Variants in ACTR3C observed in about 807,000 individuals in gnomAD.
The protein encoded by ACTR3C is actin-related protein 3C.
In ACTR3C, 18 loss-of-function variants were observed where a neutral mutation model predicts 26.3. The observed-to-expected ratio is 0.68, with a 90% CI of 0.47 to 1.01. The LOEUF (loss-of-function observed/expected upper bound fraction) is 1.01. Ranked by LOEUF, ACTR3C falls within the 50% of genes least tolerant of loss-of-function variation. ACTR3C has a pLI of 0.00. For synonymous variants in ACTR3C, 55 were observed against 94.5 expected (o/e 0.58, Z 2.42); for missense variants, 184 against 250.7 (o/e 0.73, Z 1.80).
At chr7:150,180,188 C>T in the ACTR3C span, among the ~76,000 whole-genome samples, 10 of 149,846 alleles carry the variant, frequency 6.7e-5, no homozygotes, top group Non-Finnish European at 1.2e-4. Context: ...ACCTGTAGTC[C>T]CAGCTACTCG....
the ACTR3C span, among the ~76,000 whole-genome samples, chr7:149,978,830 G>A: frequency 6.6e-6 from 1 of 152,050 alleles, no homozygotes; most frequent in African/African-American, 2.4e-5. Flanking sequence ...TCTTTGGCAA[G>A]TTCAATCTCA....
chr7:150,228,212 C>T, the ACTR3C span, among the ~76,000 whole-genome samples: 1 of 152,118 alleles, frequency 6.6e-6, no homozygotes, highest in South Asian at 2.1e-4. Flanking sequence ...GCACATAGTT[C>T]CTGTTCACAT....
At chr7:150,085,181 T>C in the ACTR3C span, among the ~76,000 whole-genome samples, 1 of 152,078 alleles carries the variant, frequency 6.6e-6, no homozygotes, top group Admixed American at 6.5e-5. Context: ...AGTGGTCAGA[T>C]GGGCACTTTG....
At chr7:150,027,785 T>G in the ACTR3C span, among the ~76,000 whole-genome samples, 1 of 152,030 alleles carries the variant, frequency 6.6e-6, no homozygotes, top group South Asian at 2.1e-4. Context: ...AGGTTTAAAT[T>G]TTTGAAAAAA....
At chr7:149,944,562 C>T in the ACTR3C span, among the ~76,000 whole-genome samples, 102 of 150,446 alleles carry the variant, frequency 6.8e-4, no homozygotes, top group Non-Finnish European at 1.3e-3. Flanking sequence ...CTGATGGTAA[C>T]ATGCAATGTG....
At chr7:150,152,638 A>G in the ACTR3C span, among the ~76,000 whole-genome samples, 5 of 152,136 alleles carry the variant, frequency 3.3e-5, no homozygotes, top group African/African-American at 1.2e-4. Flanking sequence ...TGGTATCAGG[A>G]TGATGCTGGC....
At chr7:150,161,202 T>TTATA in the ACTR3C span, among the ~76,000 whole-genome samples, 356 of 102,976 alleles carry the variant, frequency 3.5e-3, 31 homozygotes, top group African/African-American at 0.012. Flanking sequence ...AGGAAAGTAT[T>TTATA]TATATATATA....
At chr7:150,309,481 C>T (rs978423742) in intron 1 of ACTR3C, among the ~76,000 whole-genome samples, 1 of 152,218 alleles carries the variant, frequency 6.6e-6, no homozygotes, top group Non-Finnish European at 1.5e-5. Flanking sequence ...AAGAGGCAGC[C>T]AAGCGGCAAC....
chr7:150,222,826 T>G, the ACTR3C span, among the ~76,000 whole-genome samples: 3 of 152,392 alleles, frequency 2.0e-5, no homozygotes, highest in African/African-American at 7.2e-5. Context: ...GACTTTGACG[T>G]AATCAGTTAT....
the ACTR3C span, among the ~76,000 whole-genome samples, chr7:150,085,042 G>T: frequency 2.0e-5 from 3 of 152,172 alleles, no homozygotes; most frequent in Non-Finnish European, 4.4e-5. Context: ...AGGGCTTGTG[G>T]CTTGACCACC....
At chr7:150,183,919 TGTAA>T in the ACTR3C span, among the ~76,000 whole-genome samples, 4 of 150,246 alleles carry the variant, frequency 2.7e-5, no homozygotes, top group East Asian at 5.8e-4. Context: ...ATCTGATGTT[TGTAA>T]GTGTCTGATA....
At chr7:150,229,115 G>C in the ACTR3C span, among the ~76,000 whole-genome samples, 1 of 151,902 alleles carries the variant, frequency 6.6e-6, no homozygotes, top group African/African-American at 2.4e-5. Context: ...ATAGACAGTC[G>C]TGTTATCTGC....
the ACTR3C span, among the ~76,000 whole-genome samples, chr7:150,149,343 GT>G: frequency 4.6e-5 from 7 of 151,308 alleles, no homozygotes; most frequent in East Asian, 2.0e-4. Flanking sequence ...ATGCACTAGT[GT>G]TTTTTTTATT....
At chr7:150,003,643 T>C in the ACTR3C span, among the ~76,000 whole-genome samples, 9 of 152,128 alleles carry the variant, frequency 5.9e-5, no homozygotes, top group Non-Finnish European at 1.2e-4. Flanking sequence ...GTGTAATGCG[T>C]GTGGGGTTTG....
At position 150,284,948 on chromosome 7, in the gene ACTR3C, A is replaced by C. The variant is rs942316134; in HGVS notation, c.472-103T>G. 15 of 1,079,552 alleles carry C rather than the reference A, an allele frequency of 1.4e-5. No homozygotes were observed. In the Admixed American group the frequency reaches 3.7e-4, roughly 27 times the overall value. The allele number at this position is 1,079,552 out of a possible 1,614,324, so 66.9% of individuals were successfully genotyped here. A position where few individuals can be genotyped will look rare whatever the true frequency, so the allele number is the denominator to read the frequency against. On this transcript the variant is annotated intron_variant, in intron 5 of 7. Transcript: ENST00000683684. ...CTTTAACAAATATACAATTTATTAT[A>C]ACTTAAAAGAATTCACATTGGAATG...
chr7:149,987,238 T>C, the ACTR3C span, among the ~76,000 whole-genome samples: 1 of 152,254 alleles, frequency 6.6e-6, no homozygotes, highest in East Asian at 1.9e-4. Flanking sequence ...TGTGAGCAGC[T>C]TTTTAAAAAA....
chr7:149,913,885 C>CTTTTT, the ACTR3C span, among the ~76,000 whole-genome samples: 7 of 74,656 alleles, frequency 9.4e-5, 3 homozygotes, highest in African/African-American at 1.1e-4. Context: ...CTCATATGTC[C>CTTTTT]CTTTTTTTTT....
chr7:150,018,713 T>A, the ACTR3C span, among the ~76,000 whole-genome samples: 1 of 150,344 alleles, frequency 6.7e-6, no homozygotes, highest in Admixed American at 6.6e-5. Flanking sequence ...CATATTTCCT[T>A]CACTAAGTGC....
At chr7:150,265,022 T>C in intron 6 of ACTR3C, 1 of 217,692 alleles carries the variant, frequency 4.6e-6, no homozygotes, top group Non-Finnish European at 7.8e-6. Flanking sequence ...TCTGTAATAA[T>C]TTTTACCACT....
Sources: allele counts gnomAD v4.1 joint callset (sites outside exome capture counted in the v4.1 genomes callset), GRCh38; gene constraint gnomAD v4.1.1; transcripts MANE v1.5; gene names NCBI Gene and HGNC (gene_info 2026-07-23, HGNC 2026-07-21).